FMNL3: variants seen among roughly 807,000 people sequenced by gnomAD.
The protein encoded by FMNL3 is formin like 3, also known as formin-like protein 3.
Under a neutral mutation model 119.6 loss-of-function variants are expected in FMNL3, and 57 were observed. The ratio of observed to expected loss-of-function variants is 0.48; its 90% CI spans 0.39 to 0.59. The LOEUF is 0.59. Ranked by LOEUF, FMNL3 falls within the 20% of genes least tolerant of loss-of-function variation. FMNL3 has a pLI of 0.00. For synonymous variants in FMNL3, 491 were observed against 507.3 expected (o/e 0.97, Z 0.43); for missense variants, 1,053 against 1,323.5 (o/e 0.80, Z 3.17).
rs1357565181 is a variant in FMNL3, at chr12:49,707,064, G to T, written c.117C>A (p.Ala39=). The T allele has an allele frequency of 1.9e-6, 3 of 1,584,746 alleles. No individual in the cohort carries two copies. Among genetic ancestry groups the T allele is most frequent in the Non-Finnish European group, 2.6e-6 (3 of 1,166,838 alleles). Reference sequence around the variant, plus strand: ...TGGGCTCAGCTCTCACCAGCACCAGGGCGAACCTTTCCTCCAGCTCACAGG... The same window carrying T: ...TGGGCTCAGCTCTCACCAGCACCAGTGCGAACCTTTCCTCCAGCTCACAGG... ...PEPCELEERF[A]LVLSSMNLPP... is the part of the protein sequence containing the mutation. Residue 39 remains alanine, a synonymous_variant, in exon 1 of 26, where the codon GCC becomes GCA. Coordinates refer to ENST00000335154, the MANE Select transcript of FMNL3 (RefSeq NM_175736.5).
chr12:49,702,607 A>T (rs1484839047), intron 1 of FMNL3, among the ~76,000 whole-genome samples: 1 of 152,160 alleles, frequency 6.6e-6, no homozygotes, highest in Non-Finnish European at 1.5e-5. Context: ...ACATTCCCAA[A>T]TGACAGAGTC....
intron 4 of FMNL3, 109 bp from the exon 5 acceptor site, chr12:49,662,158 G>A (rs1470166943): frequency 7.0e-6 from 7 of 1,003,868 alleles, no homozygotes; most frequent in African/African-American, 1.6e-5. Flanking sequence ...CCCAGCACCA[G>A]GCTAAGAAAA....
At chr12:49,671,716 A>G (rs557384788) in intron 1 of FMNL3, among the ~76,000 whole-genome samples, 1 of 152,318 alleles carries the variant, frequency 6.6e-6, no homozygotes, top group Non-Finnish European at 1.5e-5. Flanking sequence ...AGCAAATTTG[A>G]CACAGTTCCG....
chr12:49,647,042 A>G lies in FMNL3; in HGVS notation c.2872-33T>C. ...CAAGAATGTGGAGGGGAAGGAAGTC[A>G]TCACTAACCTAATGTGGGACTGGTT... On this transcript the variant is annotated intron_variant, in intron 24 of 25. Coordinates refer to ENST00000335154, the MANE Select transcript of FMNL3 (RefSeq NM_175736.5). This position sits in a 1 kb window ranked among gnomAD's most constrained non-coding sequence, Gnocchi z 4.9. The G allele has an allele frequency of 1.2e-6, 2 of 1,613,566 alleles. No homozygotes were observed. Among genetic ancestry groups the G allele is most frequent in the Non-Finnish European group, 1.7e-6 (2 of 1,179,706 alleles).
At position 49,647,148 on chromosome 12, in the gene FMNL3, G is replaced by A. The variant is rs1249133090; in HGVS notation, c.2871+128C>T. ...CAAAGGCCCTCCCTCCATCCCTCTG[G>A]ATGCCAGCCCACTGGCCCTCTGGGT... On this transcript the variant is annotated intron_variant, in intron 24 of 25. Transcript: ENST00000335154. The surrounding 1 kb of genome is among the most constrained non-coding windows in gnomAD (Gnocchi z 4.9). 1.4e-5 allele frequency: 22 copies of A among 1,552,572 alleles called. No individual in the cohort carries two copies. Among genetic ancestry groups the A allele is most frequent in the Non-Finnish European group, 1.8e-5 (21 of 1,135,788 alleles).
rs1945078613 is a variant in FMNL3 at position 49,707,334 on chromosome 12, G to T, written c.-154C>A. 3.3e-6 allele frequency: 2 copies of T among 598,170 alleles called. No homozygotes were observed. The highest frequency in any genetic ancestry group is 1.9e-5 in the African/African-American group (1 of 51,392). The allele number at this position is 598,170 out of a possible 1,614,324, so 37.1% of individuals were successfully genotyped here. A position where few individuals can be genotyped will look rare whatever the true frequency, so the allele number is the denominator to read the frequency against. ...GGCGCCGGGGGTTCCCTGGAGTCCC[G>T]CTGGCGGGGGCGCGCGGCGAGGGCG... On this transcript the variant is annotated 5_prime_UTR_variant, in exon 1 of 26. Transcript: ENST00000335154.
intron 14 of FMNL3, 93 bp from the exon 15 acceptor site, chr12:49,651,543 TAAAA>T: frequency 5.0e-6 from 4 of 798,520 alleles, no homozygotes; most frequent in South Asian, 4.3e-5. Flanking sequence ...CTCTGAGAGT[TAAAA>T]AAAAAAAAAA....
chr12:49,705,316 C>T (rs1215194526), intron 1 of FMNL3, among the ~76,000 whole-genome samples: 1 of 152,190 alleles, frequency 6.6e-6, no homozygotes, highest in East Asian at 1.9e-4. Context: ...GCTCTGGTGT[C>T]CTGGTTAACT....
chr12:49,654,147 C>T (rs759047988), intron 11 of FMNL3, 45 bp downstream of exon 11: 2 of 1,555,908 alleles, frequency 1.3e-6, no homozygotes, highest in Non-Finnish European at 1.8e-6. Flanking sequence ...TACGGCTAAA[C>T]TGATCCCAAA....
intron 1 of FMNL3, among the ~76,000 whole-genome samples, chr12:49,705,285 T>C (rs992273505): frequency 6.6e-6 from 1 of 152,174 alleles, no homozygotes; most frequent in Non-Finnish European, 1.5e-5. Context: ...CAGTCCCCCA[T>C]TTGACCTGGG....
Position 49,685,656 on chromosome 12 carries a change from T to C in FMNL3, c.127-17102A>G, listed in dbSNP as rs143621554. Reference sequence around the variant, plus strand: ...CGTGCTGTTCAGTGACTTTACAACTTCAAGGTACAGAAAAACAGTCTCTAC... The same window carrying C: ...CGTGCTGTTCAGTGACTTTACAACTCCAAGGTACAGAAAAACAGTCTCTAC... On this transcript the variant is annotated intron_variant, in intron 1 of 25. Coordinates refer to ENST00000335154, the MANE Select transcript of FMNL3 (RefSeq NM_175736.5). 3.0e-4 allele frequency among the ~76,000 whole-genome samples: 46 copies of C among 152,338 alleles called. No homozygotes were observed. The East Asian group carries it at 8.3e-3, about 27-fold the overall frequency.
At position 49,641,012 on chromosome 12, in the gene FMNL3, G is replaced by A. The variant is rs1942563994; in HGVS notation, c.*4803C>T. 1 of 152,298 alleles carries A rather than the reference G, an allele frequency of 6.6e-6. No homozygotes were observed. The highest frequency in any genetic ancestry group is 6.5e-5 in the Admixed American group (1 of 15,288). 9.4% of individuals were successfully genotyped at this position (152,298 alleles called of 1,614,324 possible). On this transcript the variant is annotated 3_prime_UTR_variant, in exon 26 of 26. Coordinates refer to ENST00000335154, the MANE Select transcript of FMNL3 (RefSeq NM_175736.5). ...ACCTCTGCCATCAGCAAAAAGGCCAGAGGAGGTGAGAGCTATGTGGAGGGA... is the reference window on the plus strand; with the variant it reads ...ACCTCTGCCATCAGCAAAAAGGCCAAAGGAGGTGAGAGCTATGTGGAGGGA...
At chr12:49,701,120 T>C (rs1309233553) in intron 1 of FMNL3, among the ~76,000 whole-genome samples, 2 of 150,088 alleles carry the variant, frequency 1.3e-5, no homozygotes, top group African/African-American at 4.9e-5. Context: ...GAATAATATA[T>C]AAGCAAATGA....
At chr12:49,691,042 A>G (rs944626253) in intron 1 of FMNL3, among the ~76,000 whole-genome samples, 2 of 152,176 alleles carry the variant, frequency 1.3e-5, no homozygotes, top group African/African-American at 2.4e-5. Context: ...CCCTGTCTGA[A>G]AAGCAACAAC....
intron 1 of FMNL3, among the ~76,000 whole-genome samples, chr12:49,703,150 T>C (rs1944954318): frequency 6.6e-6 from 1 of 152,184 alleles, no homozygotes; most frequent in South Asian, 2.1e-4. Flanking sequence ...TTAGACTCCA[T>C]GTCAAGTCTG....
chr12:49,684,899 C>T (rs1004694251), intron 1 of FMNL3, among the ~76,000 whole-genome samples: 7 of 152,154 alleles, frequency 4.6e-5, no homozygotes, highest in Non-Finnish European at 8.8e-5. Context: ...CAACCACAAA[C>T]GAGAAGTCTG....
intron 22 of FMNL3, 91 bp downstream of exon 22, chr12:49,648,101 AT>A (rs1178343223): frequency 9.1e-6 from 13 of 1,423,712 alleles, no homozygotes; most frequent in South Asian, 2.9e-5. Flanking sequence ...CAGCTGCTTG[AT>A]TTAAAAAAAA....
Position 49,641,834 on chromosome 12 carries a change from A to T in FMNL3, c.*3981T>A. On this transcript the variant is annotated 3_prime_UTR_variant, in exon 26 of 26. Coordinates refer to ENST00000335154, the MANE Select transcript of FMNL3 (RefSeq NM_175736.5). Reference sequence around the variant, plus strand: ...GCAAGGGCCTTCTTGACCATCTGTAATGTGACCACTCTGCCTGCCAGCTTT... The same window carrying T: ...GCAAGGGCCTTCTTGACCATCTGTATTGTGACCACTCTGCCTGCCAGCTTT... The T allele has an allele frequency of 1.6e-6, 2 of 1,265,386 alleles. No homozygotes were observed. Among genetic ancestry groups the T allele is most frequent in the Non-Finnish European group, 2.3e-6 (2 of 871,388 alleles). 78.4% of individuals were successfully genotyped at this position (1,265,386 alleles called of 1,614,324 possible).
At position 49,647,016 on chromosome 12, in the gene FMNL3, C is replaced by T; in HGVS notation, c.2872-7G>A. 6.3e-7 allele frequency: 1 copy of T among 1,594,022 alleles called. No homozygotes were observed. The highest frequency in any genetic ancestry group is 8.5e-7 in the Non-Finnish European group (1 of 1,177,906). On this transcript the variant is annotated splice_region_variant and splice_polypyrimidine_tract_variant and intron_variant, in intron 24 of 25. Transcript: ENST00000335154. This position sits in a 1 kb window ranked among gnomAD's most constrained non-coding sequence, Gnocchi z 4.9. ...TGTTCCGCTGGGATGGGGTCTAGGG[C>T]CAAGAATGTGGAGGGGAAGGAAGTC...
Sources: gnomAD v4.1 joint callset for allele counts (sites outside exome capture counted in the v4.1 genomes callset) on GRCh38, gnomAD v4.1.1 for gene constraint, Gnocchi (gnomAD v3.1) non-coding constraint, MANE v1.5 for transcripts, NCBI Gene and HGNC (gene_info 2026-07-23, HGNC 2026-07-21) for gene names.